PAN3: variants seen among roughly 807,000 people sequenced by gnomAD.
PAN3 encodes PAN2-PAN3 deadenylation complex subunit PAN3.
A neutral mutation model predicts 96.2 loss-of-function variants in PAN3; 19 were observed. The observed-to-expected ratio is 0.20, with a 90% confidence interval of 0.14 to 0.29. The LOEUF is 0.29. Among genes scored for constraint, PAN3 ranks in the 10% least tolerant of loss-of-function variants. PAN3 has a pLI of 1.00. For synonymous variants in PAN3, 433 were observed against 406.6 expected, an observed-to-expected ratio of 1.06 and a Z score of -0.78; for missense variants, 882 against 1,108.1, an observed-to-expected ratio of 0.80 and a Z score of 2.90.
At chr13:28,188,110 T>G (rs1876727035) in intron 4 of PAN3, among the ~76,000 whole-genome samples, 1 of 152,240 alleles carries the variant, frequency 6.6e-6, no homozygotes. Flanking sequence ...AGACACTGCT[T>G]AAACGAGTAT....
In PAN3 at chr13:28,196,011, T is replaced by C. The variant is rs2476783; in HGVS notation, c.691-1174T>C. On this transcript the variant is annotated intron_variant, in intron 4 of 18. Coordinates refer to ENST00000380958, the MANE Select transcript of PAN3 (RefSeq NM_175854.8). ...AACATTATTAATATATTTGACTGGC[T>C]ATAGGTTTTTTTTTGTTTTTTTTTT... Among the ~76,000 whole-genome samples the C allele has an allele frequency of 2.3e-3, 352 of 151,550 alleles. 1 individual carries two copies. The highest frequency in any genetic ancestry group is 8.1e-3 in the African/African-American group (337 of 41,398).
intron 6 of PAN3, among the ~76,000 whole-genome samples, chr13:28,251,114 T>C (rs1884687358): frequency 6.6e-6 from 1 of 152,194 alleles, no homozygotes; most frequent in Non-Finnish European, 1.5e-5. Flanking sequence ...TTTTTCCCTT[T>C]AATTTTAATG....
chr13:28,261,166 G>A (rs911061719), intron 8 of PAN3, among the ~76,000 whole-genome samples: 11 of 152,264 alleles, frequency 7.2e-5, no homozygotes, highest in South Asian at 2.1e-4. Flanking sequence ...CCAGCTACCC[G>A]TGTTTAAGGG....
chr13:28,138,766 C>G lies in PAN3; in HGVS notation c.109C>G (p.Pro37Ala). 1.5e-6 allele frequency: 2 copies of G among 1,355,600 alleles called. No homozygotes were observed. Among genetic ancestry groups the G allele is most frequent in the South Asian group, 1.8e-5 (1 of 55,366 alleles). The allele number at this position is 1,355,600 out of a possible 1,614,324, so 84.0% of individuals were successfully genotyped here. A position where few individuals can be genotyped will look rare whatever the true frequency, so the allele number is the denominator to read the frequency against. Residue 37 changes from proline to alanine, a missense_variant, in exon 1 of 19, where the codon CCC becomes GCC. Transcript: ENST00000380958. ...VVAPPGVGGV[P>A]GGAAVGVKLK... ...GGCCCCGCCGGGGGTCGGGGGTGTC[C>G]CCGGCGGGGCGGCGGTAGGAGTGAA... is the stretch of plus-strand genomic sequence containing the variant.
At chr13:28,156,620 A>G (rs1193047985) in intron 1 of PAN3, among the ~76,000 whole-genome samples, 2 of 152,204 alleles carry the variant, frequency 1.3e-5, no homozygotes, top group Admixed American at 1.3e-4. Context: ...CGAAAACTTC[A>G]GGCCAATATC....
intron 7 of PAN3, among the ~76,000 whole-genome samples, chr13:28,260,184 G>A (rs1885576530): frequency 6.6e-6 from 1 of 151,854 alleles, no homozygotes. Flanking sequence ...ATCACCTGAG[G>A]TCAGGAGTTC....
intron 6 of PAN3, chr13:28,239,494 C>A: frequency 1.5e-6 from 1 of 651,842 alleles, no homozygotes. Context: ...TTTTTTTGGA[C>A]CCAGTAAGTT....
At chr13:28,167,673 CAAA>C (rs1166063021) in intron 1 of PAN3, among the ~76,000 whole-genome samples, 34 of 61,322 alleles carry the variant, frequency 5.5e-4, no homozygotes, top group Admixed American at 4.9e-3. Flanking sequence ...CCTGTCTCTA[CAAA>C]AAAAAAAAAA....
intron 15 of PAN3, among the ~76,000 whole-genome samples, chr13:28,278,566 C>T (rs914297706): frequency 1.3e-5 from 2 of 151,662 alleles, no homozygotes; most frequent in Non-Finnish European, 2.9e-5. Flanking sequence ...TTGAAATTTT[C>T]TTTATTAAAA....
At chr13:28,207,835 T>G (rs1879558510) in intron 5 of PAN3, among the ~76,000 whole-genome samples, 1 of 152,236 alleles carries the variant, frequency 6.6e-6, no homozygotes, top group African/African-American at 2.4e-5. Flanking sequence ...GAGTGTGGAA[T>G]TGGGTTCAGG....
intron 12 of PAN3, among the ~76,000 whole-genome samples, chr13:28,269,319 T>C (rs975773921): frequency 2.6e-5 from 4 of 152,136 alleles, no homozygotes; most frequent in African/African-American, 9.7e-5. Context: ...GATTAATATA[T>C]TAATGTTTAT....
At chr13:28,230,968 T>C (rs1053626151) in intron 6 of PAN3, among the ~76,000 whole-genome samples, 1 of 152,206 alleles carries the variant, frequency 6.6e-6, no homozygotes. Flanking sequence ...GTAAGTGTTA[T>C]TATTTAAAAG....
intron 1 of PAN3, among the ~76,000 whole-genome samples, chr13:28,143,594 C>T (rs1442508844): frequency 6.6e-6 from 1 of 152,132 alleles, no homozygotes; most frequent in African/African-American, 2.4e-5. Context: ...AATTTTTAAC[C>T]TTTAAGCCTC....
intron 8 of PAN3, among the ~76,000 whole-genome samples, chr13:28,261,101 T>G (rs1313681688): frequency 6.6e-6 from 1 of 152,198 alleles, no homozygotes; most frequent in East Asian, 1.9e-4. Flanking sequence ...TATTACCAGT[T>G]TACTAGTAGA....
chr13:28,278,728 A>G (rs1037677738), intron 15 of PAN3, among the ~76,000 whole-genome samples: 2 of 152,134 alleles, frequency 1.3e-5, no homozygotes, highest in Non-Finnish European at 2.9e-5. Flanking sequence ...TACCATTATT[A>G]GTCCCATTTT....
At chr13:28,152,286 A>G (rs773738146) in intron 1 of PAN3, among the ~76,000 whole-genome samples, 1 of 152,156 alleles carries the variant, frequency 6.6e-6, no homozygotes, top group Non-Finnish European at 1.5e-5. Context: ...TATGACCTTA[A>G]GAAATTGAAG....
At chr13:28,243,542 A>G (rs1388365020) in intron 6 of PAN3, among the ~76,000 whole-genome samples, 1 of 152,226 alleles carries the variant, frequency 6.6e-6, no homozygotes, top group Non-Finnish European at 1.5e-5. Flanking sequence ...ATTGACTTAA[A>G]AAGATACCAG....
intron 1 of PAN3, among the ~76,000 whole-genome samples, chr13:28,171,797 T>A (rs1033318358): frequency 6.6e-6 from 1 of 152,234 alleles, no homozygotes. Flanking sequence ...TAACTCAGCC[T>A]GTAGCCCCTC....
At chr13:28,260,599 T>G in intron 8 of PAN3, 48 bp downstream of exon 8, 1 of 1,408,416 alleles carries the variant, frequency 7.1e-7, no homozygotes, top group South Asian at 1.2e-5. Context: ...CTCCTGTGCT[T>G]TAGTGAACAG....
Sources: gnomAD v4.1 joint callset for allele counts (sites outside exome capture counted in the v4.1 genomes callset) on GRCh38, gnomAD v4.1.1 for gene constraint, MANE v1.5 for transcripts, NCBI Gene and HGNC (gene_info 2026-07-23, HGNC 2026-07-21) for gene names.